DCBLD1: variants seen among roughly 807,000 people sequenced by gnomAD.
DCBLD1 encodes discoidin, CUB and LCCL domain-containing protein 1.
In DCBLD1, 57 loss-of-function variants were observed where a neutral mutation model predicts 71.5. That is an observed-to-expected ratio of 0.80 (90% CI 0.64 to 0.99). DCBLD1 has a LOEUF of 0.99. DCBLD1 is among the 50% of genes least tolerant of loss of function. The pLI, the probability that DCBLD1 is intolerant of heterozygous loss-of-function variation, is 0.00. For missense variants in DCBLD1, 891 were observed against 923.5 expected, an observed-to-expected ratio of 0.96 and a Z score of 0.46; for synonymous variants, 380 against 363.8, an observed-to-expected ratio of 1.04 and a Z score of -0.51.
At chr6:117,505,602 A>G (rs1428937290) in intron 2 of DCBLD1, among the ~76,000 whole-genome samples, 1 of 152,206 alleles carries the variant, frequency 6.6e-6, no homozygotes, top group Non-Finnish European at 1.5e-5. Flanking sequence ...CAGGATGTGG[A>G]GAATGGATGT....
chr6:117,547,225 C>T (rs1389535624), intron 14 of DCBLD1, among the ~76,000 whole-genome samples: 5 of 152,188 alleles, frequency 3.3e-5, no homozygotes, highest in Admixed American at 6.5e-5. Flanking sequence ...CATGCTCTAA[C>T]GCGTGGCTAA....
chr6:117,535,556 G>T (rs1329383342), intron 6 of DCBLD1, among the ~76,000 whole-genome samples: 1 of 152,188 alleles, frequency 6.6e-6, no homozygotes, highest in Non-Finnish European at 1.5e-5. Context: ...ACATTTTCCA[G>T]TTGATAACGG....
At chr6:117,508,325 C>T in intron 2 of DCBLD1, among the ~76,000 whole-genome samples, 1 of 152,014 alleles carries the variant, frequency 6.6e-6, no homozygotes, top group Non-Finnish European at 1.5e-5. Context: ...GTTCTCAGTT[C>T]CCCCCTCCCT....
At chr6:117,498,345 G>A (rs959810680) in intron 1 of DCBLD1, among the ~76,000 whole-genome samples, 18 of 152,006 alleles carry the variant, frequency 1.2e-4, no homozygotes, top group South Asian at 4.1e-4. Flanking sequence ...GGAGCTTTCA[G>A]TCTAGAAGAG....
At chr6:117,491,721 T>A (rs776861303) in intron 1 of DCBLD1, among the ~76,000 whole-genome samples, 2 of 152,176 alleles carry the variant, frequency 1.3e-5, no homozygotes, top group Non-Finnish European at 2.9e-5. Flanking sequence ...TTATTATGTC[T>A]CTTTAGTCAC....
At chr6:117,537,980 G>A (rs992094443) in intron 7 of DCBLD1, among the ~76,000 whole-genome samples, 6 of 152,184 alleles carry the variant, frequency 3.9e-5, no homozygotes, top group Non-Finnish European at 7.4e-5. Flanking sequence ...TTTGAATAAA[G>A]TTACTGAAAA....
intron 1 of DCBLD1, among the ~76,000 whole-genome samples, chr6:117,497,464 G>A (rs1411848491): frequency 6.6e-6 from 1 of 152,190 alleles, no homozygotes; most frequent in Non-Finnish European, 1.5e-5. Context: ...ATTGGCTTGT[G>A]TATACAAGCA....
intron 14 of DCBLD1, chr6:117,562,397 C>A (rs1409044877): frequency 5.0e-6 from 1 of 199,322 alleles, no homozygotes; most frequent in African/African-American, 2.3e-5. Flanking sequence ...CCAGGACTAT[C>A]ACAAGACAAA....
At chr6:117,510,382 C>A (rs752935990) in intron 2 of DCBLD1, among the ~76,000 whole-genome samples, 1 of 151,214 alleles carries the variant, frequency 6.6e-6, no homozygotes, top group African/African-American at 2.4e-5. Context: ...CACACACACA[C>A]GTAAAAGTAA....
intron 5 of DCBLD1, among the ~76,000 whole-genome samples, chr6:117,530,569 A>G (rs888734451): frequency 1.3e-5 from 2 of 152,310 alleles, no homozygotes; most frequent in African/African-American, 4.8e-5. Flanking sequence ...TTGGGGACCC[A>G]TGCACTAGAC....
intron 2 of DCBLD1, among the ~76,000 whole-genome samples, chr6:117,505,798 A>G (rs1582982665): frequency 6.6e-6 from 1 of 152,214 alleles, no homozygotes; most frequent in East Asian, 1.9e-4. Flanking sequence ...TGAGACCCCC[A>G]TCTCTACATT....
intron 1 of DCBLD1, among the ~76,000 whole-genome samples, chr6:117,486,330 A>G (rs553761295): frequency 1.3e-5 from 2 of 152,362 alleles, no homozygotes; most frequent in African/African-American, 2.4e-5. Flanking sequence ...CTATTTCTAC[A>G]TGTGTCTTAA....
In DCBLD1 at chr6:117,548,222, G is replaced by A. The variant is rs1021182837; in HGVS notation, c.1931G>A (p.Gly644Asp). The A allele has an allele frequency of 1.3e-6, 2 of 1,550,456 alleles. No homozygotes were observed. Among genetic ancestry groups the A allele is most frequent in the African/African-American group, 2.7e-5 (2 of 73,052 alleles). ...LSSGGFSPVA[G>D]VGAQDGDYQR... is the part of the protein sequence containing the mutation. Reference sequence around the variant, plus strand: ...TCGGGCGGCTTCTCCCCCGTAGCGGGTGTGGGCGCCCAGGACGGAGACTAT... The same window carrying A: ...TCGGGCGGCTTCTCCCCCGTAGCGGATGTGGGCGCCCAGGACGGAGACTAT... Residue 644 changes from glycine to aspartate, a missense_variant, in exon 15 of 15, where the codon GGT becomes GAT. By Grantham distance (94) the Gly-to-Asp change is moderately conservative. Transcript: ENST00000338728.
intron 1 of DCBLD1, among the ~76,000 whole-genome samples, chr6:117,497,368 G>A (rs1777506704): frequency 6.6e-6 from 1 of 152,128 alleles, no homozygotes; most frequent in Non-Finnish European, 1.5e-5. Flanking sequence ...AGTGGAACAT[G>A]ATTTCTTATC....
At chr6:117,555,840 T>A (rs1211889686) in intron 14 of DCBLD1, among the ~76,000 whole-genome samples, 1 of 152,142 alleles carries the variant, frequency 6.6e-6, no homozygotes, top group Non-Finnish European at 1.5e-5. Context: ...AAAATAAAAA[T>A]AATTGTTGGA....
chr6:117,529,722 A>G (rs566607215), intron 5 of DCBLD1, among the ~76,000 whole-genome samples: 68 of 152,330 alleles, frequency 4.5e-4, no homozygotes, highest in Admixed American at 1.4e-3. Context: ...TAATTTTATC[A>G]TAATAATATG....
At chr6:117,550,838 A>G (rs150884272), downstream of DCBLD1, among the ~76,000 whole-genome samples, 59 of 152,292 alleles carry the variant, frequency 3.9e-4, no homozygotes, top group African/African-American at 1.3e-3. Flanking sequence ...CCAAATAGTT[A>G]TTGAGGTTCT....
chr6:117,514,356 C>G (rs1778121687), intron 2 of DCBLD1, among the ~76,000 whole-genome samples: 1 of 152,064 alleles, frequency 6.6e-6, no homozygotes, highest in Non-Finnish European at 1.5e-5. Flanking sequence ...GTAATCCCAG[C>G]ACTTTGAGGA....
At chr6:117,494,589 G>T (rs908846138) in intron 1 of DCBLD1, among the ~76,000 whole-genome samples, 23 of 147,534 alleles carry the variant, frequency 1.6e-4, no homozygotes, top group African/African-American at 5.4e-4. Flanking sequence ...GTACAAACAA[G>T]TTTTTTTTTT....
Sources: gnomAD v4.1 joint callset for allele counts (sites outside exome capture counted in the v4.1 genomes callset) on GRCh38, gnomAD v4.1.1 for gene constraint, MANE v1.5 for transcripts, NCBI Gene and HGNC (gene_info 2026-07-23, HGNC 2026-07-21) for gene names.